MTMR12: variants seen among roughly 807,000 people sequenced by gnomAD.
MTMR12 encodes myotubularin related protein 12.
MTMR12 carries 33 observed loss-of-function variants against 96.7 expected under a neutral mutation model. The ratio of observed to expected loss-of-function variants is 0.34; its 90% CI spans 0.26 to 0.46. The LOEUF (loss-of-function observed/expected upper bound fraction) is 0.46. MTMR12 is among the 20% of genes least tolerant of loss of function. MTMR12 has a pLI of 1.00. For missense variants in MTMR12, 721 were observed against 896.1 expected (o/e 0.80, Z 2.49); for synonymous variants, 298 against 327.2 (o/e 0.91, Z 0.96).
At chr5:32,271,508 C>G (rs1749831615) in intron 4 of MTMR12, among the ~76,000 whole-genome samples, 1 of 152,158 alleles carries the variant, frequency 6.6e-6, no homozygotes, top group African/African-American at 2.4e-5. Context: ...TGCAATACAA[C>G]AGACCTTTTT....
intron 1 of MTMR12, among the ~76,000 whole-genome samples, chr5:32,305,953 T>C (rs1248184541): frequency 6.6e-6 from 1 of 151,262 alleles, no homozygotes; most frequent in Non-Finnish European, 1.5e-5. Context: ...AAATATGTGC[T>C]GAACTAATTA....
At chr5:32,246,453 G>A (rs188243360) in intron 10 of MTMR12, among the ~76,000 whole-genome samples, 71 of 152,242 alleles carry the variant, frequency 4.7e-4, no homozygotes, top group Middle Eastern at 6.8e-3. Flanking sequence ...GAGCCACTGC[G>A]CCCAGCAAGT....
At chr5:32,290,200 C>A (rs552622130) in intron 1 of MTMR12, among the ~76,000 whole-genome samples, 1 of 152,348 alleles carries the variant, frequency 6.6e-6, no homozygotes, top group South Asian at 2.1e-4. Context: ...CAACAATATA[C>A]CTTCACTGTC....
At chr5:32,246,087 C>T (rs1172261897) in intron 10 of MTMR12, among the ~76,000 whole-genome samples, 1 of 151,936 alleles carries the variant, frequency 6.6e-6, no homozygotes, top group Non-Finnish European at 1.5e-5. Context: ...TTTGATCCCA[C>T]TTATTTAAAA....
chr5:32,293,473 G>A (rs1260567791), intron 1 of MTMR12, among the ~76,000 whole-genome samples: 1 of 152,110 alleles, frequency 6.6e-6, no homozygotes, highest in African/African-American at 2.4e-5. Context: ...ACTCTGACTG[G>A]CTCTCCTTGC....
At chr5:32,243,003 T>C (rs145924991) in intron 11 of MTMR12, among the ~76,000 whole-genome samples, 1 of 152,276 alleles carries the variant, frequency 6.6e-6, no homozygotes, top group African/African-American at 2.4e-5. Flanking sequence ...CACCTTTCTC[T>C]GCCATATCCT....
intron 10 of MTMR12, 74 bp from the exon 11 acceptor site, chr5:32,243,673 C>T: frequency 1.1e-6 from 1 of 902,502 alleles, no homozygotes; most frequent in South Asian, 1.4e-5. Flanking sequence ...TCCTGTGCTC[C>T]TCAACTGTGT....
chr5:32,298,389 G>C (rs1751004115), intron 1 of MTMR12, among the ~76,000 whole-genome samples: 1 of 152,184 alleles, frequency 6.6e-6, no homozygotes, highest in African/African-American at 2.4e-5. Flanking sequence ...CACTTGAAAG[G>C]AGAGAGAAGC....
intron 1 of MTMR12, among the ~76,000 whole-genome samples, chr5:32,301,871 C>T (rs896032396): frequency 1.3e-5 from 2 of 151,738 alleles, no homozygotes; most frequent in Non-Finnish European, 2.9e-5. Context: ...GAGACTACTC[C>T]ATCTCAAAAA....
intron 1 of MTMR12, among the ~76,000 whole-genome samples, chr5:32,301,301 C>A (rs1751132588): frequency 2.0e-5 from 3 of 152,148 alleles, no homozygotes; most frequent in Admixed American, 2.0e-4. Flanking sequence ...CTTGCTGATG[C>A]CAAACAACTC....
intron 1 of MTMR12, among the ~76,000 whole-genome samples, chr5:32,302,498 C>A (rs1751191792): frequency 6.6e-6 from 1 of 152,146 alleles, no homozygotes. Context: ...GTGGGTAGAT[C>A]ACAAGGTCAG....
At chr5:32,258,019 C>T (rs1161396672) in intron 7 of MTMR12, among the ~76,000 whole-genome samples, 2 of 151,828 alleles carry the variant, frequency 1.3e-5, no homozygotes, top group Non-Finnish European at 2.9e-5. Context: ...CCCAGCTACT[C>T]AGGAGACTGA....
chr5:32,304,137 C>G (rs1404468414), intron 1 of MTMR12, among the ~76,000 whole-genome samples: 1 of 152,092 alleles, frequency 6.6e-6, no homozygotes, highest in Non-Finnish European at 1.5e-5. Flanking sequence ...CCGACTAACA[C>G]AGTGAAACCC....
intron 4 of MTMR12, among the ~76,000 whole-genome samples, chr5:32,271,444 CAG>C (rs1443659773): frequency 6.6e-6 from 1 of 152,128 alleles, no homozygotes; most frequent in Non-Finnish European, 1.5e-5. Flanking sequence ...GGAAGTGGAA[CAG>C]AGAGAGGCTT....
chr5:32,286,371 T>C (rs978291067), intron 1 of MTMR12, among the ~76,000 whole-genome samples: 3 of 151,644 alleles, frequency 2.0e-5, no homozygotes, highest in Admixed American at 1.3e-4. Flanking sequence ...TGAATAAGAA[T>C]TGACTTTTAT....
chr5:32,299,328 T>C (rs1326806273), intron 1 of MTMR12, among the ~76,000 whole-genome samples: 1 of 152,174 alleles, frequency 6.6e-6, no homozygotes, highest in Admixed American at 6.5e-5. Flanking sequence ...TAGGAAGCCC[T>C]GTGTGACACC....
At chr5:32,289,702 AT>A in intron 1 of MTMR12, among the ~76,000 whole-genome samples, 1 of 152,106 alleles carries the variant, frequency 6.6e-6, no homozygotes, top group East Asian at 1.9e-4. Context: ...TCATCCTGTT[AT>A]TTCCCCAGTG....
chr5:32,312,637 C>G lies in MTMR12; in HGVS notation c.81+121G>C. 1.1e-6 allele frequency: 1 copy of G among 930,512 alleles called. No homozygotes were observed. Among genetic ancestry groups the G allele is most frequent in the Non-Finnish European group, 1.4e-6 (1 of 723,546 alleles). The allele number at this position is 930,512 out of a possible 1,614,324, so 57.6% of individuals were successfully genotyped here. A position where few individuals can be genotyped will look rare whatever the true frequency, so the allele number is the denominator to read the frequency against. ...GCGGCCTCAGCCCGCCTGGCTGCCC[C>G]GTCGCCCGGCACAAGGGCAGGAAGC... On this transcript the variant is annotated intron_variant, in intron 1 of 15. Coordinates refer to ENST00000382142, the MANE Select transcript of MTMR12 (RefSeq NM_001040446.3). This position sits in a 1 kb window ranked among gnomAD's most constrained non-coding sequence, Gnocchi z 5.0.
At chr5:32,262,270 A>G (rs1033318623) in intron 7 of MTMR12, among the ~76,000 whole-genome samples, 1 of 152,132 alleles carries the variant, frequency 6.6e-6, no homozygotes, top group Admixed American at 6.5e-5. Context: ...ATAAAAACAT[A>G]CATCTACACA....
Sources: allele counts gnomAD v4.1 joint callset (sites outside exome capture counted in the v4.1 genomes callset), GRCh38; gene constraint gnomAD v4.1.1; non-coding constraint Gnocchi (gnomAD v3.1); transcripts MANE v1.5; gene names NCBI Gene and HGNC (gene_info 2026-07-23, HGNC 2026-07-21).